Variants in ZNF536 observed in about 807,000 individuals in gnomAD.
ZNF536 encodes zinc finger protein 536.
In ZNF536, 13 loss-of-function variants were observed where a neutral mutation model predicts 84.5. That is an observed-to-expected ratio of 0.15 (90% CI 0.10 to 0.24). The LOEUF is 0.24. Ranked by LOEUF, ZNF536 falls within the 10% of genes least tolerant of loss-of-function variation. ZNF536 has a pLI of 1.00. For missense variants in ZNF536, 1,536 were observed against 1,747.5 expected (o/e 0.88, Z 2.16); for synonymous variants, 811 against 742.5 (o/e 1.09, Z -1.50).
At chr19:30,702,737 G>T (rs2052039263) in intron 1 of ZNF536, among the ~76,000 whole-genome samples, 1 of 152,162 alleles carries the variant, frequency 6.6e-6, no homozygotes, top group Admixed American at 6.5e-5. Context: ...GCTCAGGTGT[G>T]CCCCTCAGAC....
At chr19:30,478,305 C>T (rs1037147584) in intron 2 of ZNF536, among the ~76,000 whole-genome samples, 2 of 152,262 alleles carry the variant, frequency 1.3e-5, no homozygotes, top group African/African-American at 2.4e-5. Context: ...GAGGGTCTTA[C>T]GATCTAACTC....
Position 30,454,734 on chromosome 19 carries a change from A to G in ZNF536, c.2170+9002A>G, listed in dbSNP as rs371259622. Among the ~76,000 whole-genome samples the G allele has an allele frequency of 6.6e-5, 10 of 152,124 alleles. No homozygotes were observed. The East Asian group carries it at 1.9e-3, about 29-fold the overall frequency. On this transcript the variant is annotated intron_variant, in intron 2 of 4. Transcript: ENST00000355537. Reference sequence around the variant, plus strand: ...GGAAATGTCCTTTTTAGTGACCTTCAAAACCTTTCCACTTGGGACCGGGTG... The same window carrying G: ...GGAAATGTCCTTTTTAGTGACCTTCGAAACCTTTCCACTTGGGACCGGGTG...
intron 1 of ZNF536, among the ~76,000 whole-genome samples, chr19:30,658,170 C>G (rs2049988254): frequency 6.6e-6 from 1 of 152,106 alleles, no homozygotes; most frequent in Non-Finnish European, 1.5e-5. Context: ...TACAAGTGTG[C>G]ATCACCATGC....
At chr19:30,502,556 C>A (rs149729498) in intron 2 of ZNF536, among the ~76,000 whole-genome samples, 45 of 152,116 alleles carry the variant, frequency 3.0e-4, no homozygotes, top group Middle Eastern at 3.4e-3. Flanking sequence ...AATGGGAGGG[C>A]GTTACCCTAA....
intron 1 of ZNF536, among the ~76,000 whole-genome samples, chr19:30,404,647 C>T (rs2050191562): frequency 6.6e-6 from 1 of 152,170 alleles, no homozygotes; most frequent in African/African-American, 2.4e-5. Context: ...TTCTAGAAAA[C>T]TCTCCAACCA....
chr19:30,555,579 G>A (rs1361964024), intron 4 of ZNF536: 1 of 152,204 alleles, frequency 6.6e-6, no homozygotes, highest in East Asian at 1.9e-4. Context: ...CCAGGCAAGT[G>A]CTTGGGGGTA....
chr19:30,610,002 C>CCATT (rs1236433307), intron 1 of ZNF536, among the ~76,000 whole-genome samples: 1 of 152,044 alleles, frequency 6.6e-6, no homozygotes, highest in Non-Finnish European at 1.5e-5. Flanking sequence ...ACCCATCTAT[C>CCATT]CATTCATCCA....
intron 1 of ZNF536, among the ~76,000 whole-genome samples, chr19:30,387,957 G>A (rs2049413886): frequency 6.6e-6 from 1 of 152,192 alleles, no homozygotes; most frequent in African/African-American, 2.4e-5. Context: ...CCAGGCACCA[G>A]CTGGGTGTCT....
At chr19:30,459,092 A>G (rs2053009801) in intron 2 of ZNF536, among the ~76,000 whole-genome samples, 1 of 152,228 alleles carries the variant, frequency 6.6e-6, no homozygotes, top group Non-Finnish European at 1.5e-5. Flanking sequence ...GCCTCTCTTT[A>G]TAAAGCCCTT....
chr19:30,652,792 C>T (rs1026534824), intron 1 of ZNF536, among the ~76,000 whole-genome samples: 1 of 152,124 alleles, frequency 6.6e-6, no homozygotes, highest in African/African-American at 2.4e-5. Flanking sequence ...GGCATTGTTC[C>T]GGTTGCTTGA....
At chr19:30,578,165 G>T (rs550574932) in intron 1 of ZNF536, among the ~76,000 whole-genome samples, 1 of 152,318 alleles carries the variant, frequency 6.6e-6, no homozygotes, top group African/African-American at 2.4e-5. Flanking sequence ...TTAAAGTTCA[G>T]AGGTGGAATC....
intron 1 of ZNF536, among the ~76,000 whole-genome samples, chr19:30,599,848 G>T (rs1188667212): frequency 1.3e-5 from 2 of 152,164 alleles, no homozygotes; most frequent in African/African-American, 4.8e-5. Flanking sequence ...TGGCCTCACA[G>T]GATTTTCATC....
upstream of ZNF536, among the ~76,000 whole-genome samples, chr19:30,371,544 A>G (rs894400340): frequency 4.1e-5 from 6 of 145,050 alleles, no homozygotes; most frequent in African/African-American, 1.5e-4. Flanking sequence ...GCAAAATGTC[A>G]TTTGTCTTTT....
chr19:30,558,533 G>C (rs1251447823), downstream of ZNF536, among the ~76,000 whole-genome samples: 1 of 152,210 alleles, frequency 6.6e-6, no homozygotes, highest in Non-Finnish European at 1.5e-5. Flanking sequence ...AGTTTGTAAT[G>C]AAGAGACTCA....
chr19:30,630,741 G>A (rs188498437), intron 1 of ZNF536, among the ~76,000 whole-genome samples: 50 of 152,272 alleles, frequency 3.3e-4, no homozygotes, highest in Non-Finnish European at 4.9e-4. Flanking sequence ...CTTGCTACTG[G>A]GCCAAGGTCA....
chr19:30,571,138 G>A (rs1265994039), intron 1 of ZNF536, among the ~76,000 whole-genome samples: 2 of 151,992 alleles, frequency 1.3e-5, no homozygotes, highest in East Asian at 3.9e-4. Flanking sequence ...TCATATCTTA[G>A]CACATTTTCC....
chr19:30,293,517 C>A (rs1315703750), intron 2 of ZNF536, among the ~76,000 whole-genome samples: 1 of 152,108 alleles, frequency 6.6e-6, no homozygotes, highest in East Asian at 1.9e-4. Flanking sequence ...GCACGACATT[C>A]CCCCCGCCTG....
In ZNF536 at chr19:30,548,713, GAT is replaced by G; in HGVS notation, c.3096_3097del (p.Asp1032GlufsTer18). 6.2e-7 allele frequency: 1 copy of G among 1,613,998 alleles called. No individual in the cohort carries two copies. The highest frequency in any genetic ancestry group is 8.5e-7 in the Non-Finnish European group (1 of 1,180,040). The part of the protein sequence containing the change: ...ANHLGKAKRK[D>X]NTIGVTVNCK... ...CCACCTGGGCAAAGCGAAACGCAAA[GAT>G]AACACCATCGGGGTCACAGTCAACT... On this transcript the variant is annotated frameshift_variant, in exon 4 of 5. Transcript: ENST00000355537. LOFTEE classifies it high-confidence loss of function.
intron 1 of ZNF536, among the ~76,000 whole-genome samples, chr19:30,280,136 C>T (rs188483699): frequency 1.3e-5 from 2 of 152,242 alleles, no homozygotes; most frequent in Admixed American, 1.3e-4. Context: ...TCCATCTGCA[C>T]TTTCATCCTT....
Sources: gnomAD v4.1 joint callset for allele counts (sites outside exome capture counted in the v4.1 genomes callset) on GRCh38, gnomAD v4.1.1 for gene constraint, MANE v1.5 for transcripts, NCBI Gene and HGNC (gene_info 2026-07-23, HGNC 2026-07-21) for gene names.